The following CTCF variants were observed in gnomAD, a reference collection of about 807,000 sequenced individuals.
The protein encoded by CTCF is CCCTC-binding factor.
In CTCF, 7 loss-of-function variants were observed where a neutral mutation model predicts 72.3. The ratio of observed to expected loss-of-function variants is 0.10; its 90% CI spans 0.06 to 0.18. CTCF has a LOEUF of 0.18. Ranked by LOEUF, CTCF falls within the 10% of genes least tolerant of loss-of-function variation. CTCF has a pLI of 1.00. For missense variants in CTCF, 516 were observed against 949.1 expected (o/e 0.54, Z 6.00); for synonymous variants, 374 against 315.8 (o/e 1.18, Z -1.95).
chr16:67,586,411 C>T (rs369354558), intron 2 of CTCF, among the ~76,000 whole-genome samples: 1 of 152,076 alleles, frequency 6.6e-6, no homozygotes, highest in African/African-American at 2.4e-5. Context: ...GTGGCAGGCG[C>T]CTGTAATCCC....
intron 7 of CTCF, among the ~76,000 whole-genome samples, chr16:67,623,144 C>G (rs1244900250): frequency 2.9e-5 from 4 of 139,216 alleles, no homozygotes; most frequent in Admixed American, 1.4e-4. Context: ...TTAGTAGAGA[C>G]AGGGTTTCAC....
At chr16:67,630,881 G>A (rs932375113) in intron 10 of CTCF, among the ~76,000 whole-genome samples, 1 of 152,172 alleles carries the variant, frequency 6.6e-6, no homozygotes, top group Non-Finnish European at 1.5e-5. Context: ...GGATATCTAG[G>A]TTGCTGGCAT....
At chr16:67,592,744 G>A (rs2051762493) in intron 2 of CTCF, among the ~76,000 whole-genome samples, 1 of 150,998 alleles carries the variant, frequency 6.6e-6, no homozygotes, top group Non-Finnish European at 1.5e-5. Flanking sequence ...ACAGAGGCCA[G>A]GCGTTGGTGA....
chr16:67,636,371 C>T (rs549180823), intron 10 of CTCF, among the ~76,000 whole-genome samples: 1 of 96,236 alleles, frequency 1.0e-5, no homozygotes, highest in Non-Finnish European at 2.2e-5. Context: ...GACTCTGTCT[C>T]AAAAAAAAAA....
intron 1 of CTCF, among the ~76,000 whole-genome samples, chr16:67,562,980 C>T (rs1309012393): frequency 7.3e-6 from 1 of 137,530 alleles, no homozygotes; most frequent in African/African-American, 2.7e-5. Context: ...AGGCCTCGGG[C>T]GGCGGCAGAG....
Position 67,611,364 on chromosome 16 carries a change from C to A in CTCF, c.532C>A (p.Leu178Ile), listed in dbSNP as rs1191628394. 3 of 1,613,978 alleles carry A rather than the reference C, an allele frequency of 1.9e-6. No individual in the cohort carries two copies. Among genetic ancestry groups the A allele is most frequent in the Non-Finnish European group, 2.5e-6 (3 of 1,180,026 alleles). The change falls in exon 3 of 12, where the codon CTA becomes ATA. Residue 178 changes from leucine (L) to isoleucine (I), a missense_variant. By Grantham distance (5) the Leu-to-Ile change is conservative (BLOSUM62 2). Coordinates refer to ENST00000264010, the MANE Select transcript of CTCF (RefSeq NM_006565.4). The part of the protein sequence containing the change: ...KVGANGEVET[L>I]EQGELPPQED... ...GGGGGCCAATGGAGAGGTGGAGACA[C>A]TAGAACAAGGGGAACTTCCACCCCA...
rs920966366 is a variant in CTCF at position 67,592,715 on chromosome 16, A to T, written c.-9-18109A>T. On this transcript the variant is annotated intron_variant, in intron 2 of 11. Transcript: ENST00000264010. ...GTGAGACTCCGTCTCAAAAACAACAACATCAAAAAAAGATACTTACAGAGG... is the reference window on the plus strand; with the variant it reads ...GTGAGACTCCGTCTCAAAAACAACATCATCAAAAAAAGATACTTACAGAGG... 4.6e-5 allele frequency among the ~76,000 whole-genome samples: 7 copies of T among 151,452 alleles called. No individual in the cohort carries two copies. The South Asian group carries it at 6.3e-4, about 14-fold the overall frequency.
At chr16:67,617,809 CA>C (rs924841424) in intron 5 of CTCF, among the ~76,000 whole-genome samples, 1 of 152,072 alleles carries the variant, frequency 6.6e-6, no homozygotes, top group African/African-American at 2.4e-5. Context: ...ACACTGTTAC[CA>C]AAACTGGGTC....
chr16:67,580,355 G>T (rs1006720824), intron 2 of CTCF, among the ~76,000 whole-genome samples: 5 of 151,888 alleles, frequency 3.3e-5, no homozygotes, highest in Admixed American at 2.6e-4. Context: ...GAGTGTAGGT[G>T]CGTATCACCA....
intron 2 of CTCF, among the ~76,000 whole-genome samples, chr16:67,579,017 G>A (rs945198874): frequency 2.0e-5 from 3 of 151,606 alleles, no homozygotes; most frequent in African/African-American, 7.3e-5. Flanking sequence ...CACTTTGGGA[G>A]GCCAAGGTGC....
intron 2 of CTCF, among the ~76,000 whole-genome samples, chr16:67,596,720 G>C (rs1007546384): frequency 1.3e-5 from 2 of 151,904 alleles, no homozygotes; most frequent in African/African-American, 4.8e-5. Flanking sequence ...TGAGTAGCTG[G>C]GATTACAGGC....
In CTCF at chr16:67,580,710, C is replaced by T. The variant is rs1420287478; in HGVS notation, c.-10+9446C>T. Among the ~76,000 whole-genome samples the T allele has an allele frequency of 2.7e-5, 4 of 150,008 alleles. No homozygotes were observed. In the East Asian group the frequency reaches 7.9e-4, roughly 30 times the overall value. On this transcript the variant is annotated intron_variant, in intron 2 of 11. Transcript: ENST00000264010. The stretch of plus-strand genomic sequence containing the variant: ...CAGAGTAGCTGGGATTACAGGCGTG[C>T]ACCACCACACTCGGCTAATTTTGTA...
chr16:67,626,508 CTTGT>C (rs2052289629), intron 7 of CTCF, 43 bp from the exon 8 acceptor site: 2 of 999,886 alleles, frequency 2.0e-6, no homozygotes, highest in Non-Finnish European at 2.8e-6. Flanking sequence ...TGTTAAAATG[CTTGT>C]TTGTGTTTTC....
intron 7 of CTCF, among the ~76,000 whole-genome samples, chr16:67,624,065 TTATATA>T (rs201781611): frequency 7.2e-5 from 7 of 97,778 alleles, no homozygotes; most frequent in African/African-American, 2.8e-4. Flanking sequence ...AAAAAAAAAA[TTATATA>T]TGTGTGTGTG....
chr16:67,581,751 C>T (rs2051585872), intron 2 of CTCF, among the ~76,000 whole-genome samples: 1 of 152,108 alleles, frequency 6.6e-6, no homozygotes, highest in Non-Finnish European at 1.5e-5. Context: ...GATCCACCCA[C>T]CTCGGCCTCC....
At position 67,636,681 on chromosome 16, in the gene CTCF, C is replaced by A; in HGVS notation, c.1838-9C>A. The A allele has an allele frequency of 6.3e-7, 1 of 1,582,430 alleles. No homozygotes were observed. The highest frequency in any genetic ancestry group is 8.6e-7 in the Non-Finnish European group (1 of 1,162,946). ...CCCCACCACCTGTGCTTCCTGATTT[C>A]ATGAAAAGAAAATGCTGAACCAGAT... On this transcript the variant is annotated splice_polypyrimidine_tract_variant and intron_variant, in intron 10 of 11. Transcript: ENST00000264010.
In CTCF at chr16:67,616,837, A is replaced by G. The variant is rs1185134308; in HGVS notation, c.1045A>G (p.Lys349Glu). 6.2e-7 allele frequency: 1 copy of G among 1,614,172 alleles called. No homozygotes were observed. The highest frequency in any genetic ancestry group is 8.5e-7 in the Non-Finnish European group (1 of 1,180,028). Reference protein sequence around the residue: ...RHRRYKHTHEKPFKCSMCDYA... With the variant: ...RHRRYKHTHEEPFKCSMCDYA... ...TCGTCGTTACAAACACACCCACGAG[A>G]AGCCATTCAAGTGTTCCATGTGCGA... The change falls in exon 5 of 12, where the codon AAG (lysine) becomes GAG (glutamate). Residue 349 changes from lysine (K) to glutamate (E), a missense_variant. Transcript: ENST00000264010.
At chr16:67,570,883 GT>G (rs999206269) in intron 1 of CTCF, 4 of 151,842 alleles carry the variant, frequency 2.6e-5, no homozygotes, top group African/African-American at 9.7e-5. Flanking sequence ...AAGATTACTG[GT>G]GTGAGCCTGG....
At chr16:67,619,307 G>A in intron 5 of CTCF, among the ~76,000 whole-genome samples, 1 of 152,090 alleles carries the variant, frequency 6.6e-6, no homozygotes, top group East Asian at 1.9e-4. Flanking sequence ...CTGGTGGCGT[G>A]CGCCTGTAGT....
Sources: allele counts gnomAD v4.1 joint callset (sites outside exome capture counted in the v4.1 genomes callset), GRCh38; gene constraint gnomAD v4.1.1; transcripts MANE v1.5; gene names NCBI Gene and HGNC (gene_info 2026-07-23, HGNC 2026-07-21).